Variants in METTL24 observed in about 807,000 individuals in gnomAD.
METTL24 encodes the protein methyltransferase like 24, also known as probable methyltransferase-like protein 24.
METTL24 carries 29 observed loss-of-function variants against 32.7 expected under a neutral mutation model. That is an observed-to-expected ratio of 0.89 (90% CI 0.66 to 1.21). The LOEUF is 1.21. Among genes scored for constraint, METTL24 ranks in the 50% most tolerant of loss-of-function variants. The pLI is 0.00. For synonymous variants in METTL24, 163 were observed against 179.5 expected, an observed-to-expected ratio of 0.91 and a Z score of 0.73; for missense variants, 439 against 468.1, an observed-to-expected ratio of 0.94 and a Z score of 0.57.
chr6:110,334,720 G>A (rs1465168804), intron 1 of METTL24, among the ~76,000 whole-genome samples: 1 of 152,166 alleles, frequency 6.6e-6, no homozygotes, highest in Non-Finnish European at 1.5e-5. Context: ...AACCGTGCAG[G>A]TATACATATA....
At chr6:110,331,939 C>G (rs1238815757) in intron 1 of METTL24, among the ~76,000 whole-genome samples, 1 of 152,190 alleles carries the variant, frequency 6.6e-6, no homozygotes, top group East Asian at 1.9e-4. Context: ...GGAGCCTCTT[C>G]CCCTCAGGCC....
intron 4 of METTL24, among the ~76,000 whole-genome samples, chr6:110,285,055 T>G (rs1771197344): frequency 6.6e-6 from 1 of 152,244 alleles, no homozygotes; most frequent in Non-Finnish European, 1.5e-5. Flanking sequence ...GACTCTGAAG[T>G]GCAGGCATGT....
intron 4 of METTL24, among the ~76,000 whole-genome samples, chr6:110,287,674 A>C (rs1771248742): frequency 1.3e-5 from 2 of 152,206 alleles, no homozygotes; most frequent in South Asian, 4.1e-4. Flanking sequence ...TCTAGGGTAG[A>C]CTGTGCCCAA....
chr6:110,299,478 A>AT (rs1224093716), intron 3 of METTL24, among the ~76,000 whole-genome samples: 4 of 152,144 alleles, frequency 2.6e-5, no homozygotes, highest in Non-Finnish European at 5.9e-5. Flanking sequence ...GTAGTCTTAG[A>AT]TTTTCTTAGA....
At chr6:110,319,911 G>A (rs185588335) in intron 2 of METTL24, among the ~76,000 whole-genome samples, 93 of 152,072 alleles carry the variant, frequency 6.1e-4, no homozygotes, top group African/African-American at 2.1e-3. Flanking sequence ...CTCTGCTCCC[G>A]GGCTCCTCTG....
intron 3 of METTL24, among the ~76,000 whole-genome samples, chr6:110,310,730 C>T (rs115787555): frequency 8.2e-4 from 125 of 152,286 alleles, no homozygotes; most frequent in African/African-American, 2.8e-3. Flanking sequence ...AAAGCTTTGA[C>T]TCCTAGTAAA....
intron 2 of METTL24, among the ~76,000 whole-genome samples, chr6:110,319,446 T>TAGAC (rs1771891094): frequency 6.7e-6 from 1 of 148,650 alleles, no homozygotes; most frequent in Admixed American, 6.6e-5. Flanking sequence ...GATAGATAGA[T>TAGAC]AGATAGATAG....
intron 2 of METTL24, among the ~76,000 whole-genome samples, chr6:110,320,494 G>A (rs112543773): frequency 0.013 from 1,973 of 152,192 alleles, 55 homozygotes; most frequent in African/African-American, 0.045. Context: ...CTAGTAACCC[G>A]GAAGTACATC....
intron 4 of METTL24, among the ~76,000 whole-genome samples, chr6:110,255,251 G>A (rs1321784411): frequency 6.6e-6 from 1 of 152,072 alleles, no homozygotes; most frequent in East Asian, 1.9e-4. Context: ...AGGAAATGAG[G>A]AAAACATTTA....
Position 110,295,342 on chromosome 6 carries a change from T to C in METTL24, c.786+3580A>G, listed in dbSNP as rs185931013. Among the ~76,000 whole-genome samples the C allele has an allele frequency of 4.9e-3, 743 of 152,304 alleles. 3 individuals are homozygous for C. The highest frequency in any genetic ancestry group is 7.4e-3 in the Non-Finnish European group (501 of 68,022). On this transcript the variant is annotated intron_variant, in intron 4 of 4. Transcript: ENST00000338882. Reference sequence around the variant, plus strand: ...AACAAAACTGATGTTCTGGAATCAATGGCGAGCTCCCAGCCAAGGGAGGCA... The same window carrying C: ...AACAAAACTGATGTTCTGGAATCAACGGCGAGCTCCCAGCCAAGGGAGGCA...
chr6:110,248,239 A>G (rs917303266), intron 4 of METTL24, among the ~76,000 whole-genome samples: 26 of 152,290 alleles, frequency 1.7e-4, no homozygotes, highest in African/African-American at 6.0e-4. Flanking sequence ...TTTATAAATT[A>G]CTCAGCCTTA....
intron 4 of METTL24, among the ~76,000 whole-genome samples, chr6:110,268,546 G>T (rs1488957587): frequency 6.6e-6 from 1 of 152,160 alleles, no homozygotes; most frequent in African/African-American, 2.4e-5. Flanking sequence ...CCATTCCTGG[G>T]GGTAAGCGGC....
chr6:110,331,840 C>T (rs1393693488), intron 1 of METTL24, among the ~76,000 whole-genome samples: 2 of 152,134 alleles, frequency 1.3e-5, no homozygotes, highest in African/African-American at 4.8e-5. Context: ...CAATAAAAAA[C>T]TGAGCCTCTG....
rs77250074 is a variant in METTL24 at position 110,253,594 on chromosome 6, A to G, written c.787-7334T>C. Among the ~76,000 whole-genome samples the G allele has an allele frequency of 6.1e-4, 93 of 152,322 alleles. 1 individual carries two copies. In the East Asian group the frequency reaches 0.015, roughly 24 times the overall value. On this transcript the variant is annotated intron_variant, in intron 4 of 4. Coordinates refer to ENST00000338882, the MANE Select transcript of METTL24 (RefSeq NM_001123364.3). ...CTTATAAAAGCAATACATGGTCATT[A>G]TTTAAAAATTAAAATCATAGATAAA...
intron 3 of METTL24, among the ~76,000 whole-genome samples, chr6:110,310,232 T>G (rs1260014722): frequency 6.6e-6 from 1 of 152,146 alleles, no homozygotes; most frequent in East Asian, 1.9e-4. Context: ...GACTGAGAAT[T>G]TATGTCTTGA....
At chr6:110,277,613 T>C (rs551133134) in intron 4 of METTL24, among the ~76,000 whole-genome samples, 38 of 152,336 alleles carry the variant, frequency 2.5e-4, no homozygotes, top group Admixed American at 9.8e-4. Context: ...GTTTAAGTTA[T>C]AGTAAAGAAA....
At chr6:110,343,597 A>G (rs746857622) in intron 1 of METTL24, among the ~76,000 whole-genome samples, 1 of 152,212 alleles carries the variant, frequency 6.6e-6, no homozygotes, top group Non-Finnish European at 1.5e-5. Context: ...AATGACATTT[A>G]TTTGCTAGAG....
chr6:110,335,306 C>A (rs1772191630), intron 1 of METTL24, among the ~76,000 whole-genome samples: 1 of 152,118 alleles, frequency 6.6e-6, no homozygotes, highest in South Asian at 2.1e-4. Context: ...TGACCTCAGC[C>A]CAGGACCCTC....
intron 4 of METTL24, among the ~76,000 whole-genome samples, chr6:110,255,545 G>C (rs1232680877): frequency 6.6e-6 from 1 of 152,278 alleles, no homozygotes; most frequent in Middle Eastern, 3.4e-3. Context: ...GAGTCAGGCA[G>C]AAGGGCAATG....
Sources: gnomAD v4.1 joint callset for allele counts (sites outside exome capture counted in the v4.1 genomes callset) on GRCh38, gnomAD v4.1.1 for gene constraint, MANE v1.5 for transcripts, NCBI Gene and HGNC (gene_info 2026-07-23, HGNC 2026-07-21) for gene names.